The following XRN2 variants were observed in gnomAD, a reference collection of about 807,000 sequenced individuals.
XRN2 encodes the protein DHM1-like protein.
XRN2 carries 44 observed loss-of-function variants against 138.5 expected under a neutral mutation model. That is an observed-to-expected ratio of 0.32 (90% CI 0.25 to 0.41). XRN2 has a LOEUF of 0.41. XRN2 is among the 10% of genes least tolerant of loss of function. The pLI, the probability that XRN2 is intolerant of heterozygous loss-of-function variation, is 1.00. For synonymous variants in XRN2, 354 were observed against 369.4 expected, an observed-to-expected ratio of 0.96 and a Z score of 0.48; for missense variants, 937 against 1,169.3, an observed-to-expected ratio of 0.80 and a Z score of 2.90.
In XRN2 at chr20:21,356,582, A is replaced by T; in HGVS notation, c.2119-4A>T. 1 of 1,611,054 alleles carries T rather than the reference A, an allele frequency of 6.2e-7. No individual in the cohort carries two copies. On this transcript the variant is annotated splice_polypyrimidine_tract_variant and splice_region_variant and intron_variant, in intron 22 of 29. Coordinates refer to ENST00000377191, the MANE Select transcript of XRN2 (RefSeq NM_012255.5). ...TATGAGATCAGGAATGCATTTTTCC[A>T]CAGCCAGTGGAGGTACCCCCTGAAC...
chr20:21,383,619 G>A lies in XRN2; in HGVS notation c.2648+1562G>A, dbSNP rs181822221. ...CTCTGAGCGTAATATAAAGACGTAGGGACTTCAAAGGAAGTAAAGGATCTG... is the reference window on the plus strand; with the variant it reads ...CTCTGAGCGTAATATAAAGACGTAGAGACTTCAAAGGAAGTAAAGGATCTG... On this transcript the variant is annotated intron_variant, in intron 28 of 29. Transcript: ENST00000377191. 2.0e-5 allele frequency among the ~76,000 whole-genome samples: 3 copies of A among 152,222 alleles called. No individual in the cohort carries two copies. The East Asian group carries it at 5.8e-4, about 29-fold the overall frequency.
Position 21,346,240 on chromosome 20 carries a change from C to T in XRN2, c.1530-175C>T, listed in dbSNP as rs80262853. Among the ~76,000 whole-genome samples the T allele has an allele frequency of 6.3e-3, 964 of 152,228 alleles. 72 individuals carry two copies. The East Asian group carries it at 0.16, about 25-fold the overall frequency. ...AACTGTCTTTAAGTTGATAATAAAT[C>T]CTATGAAATTAGACTTTTTAGAAAT... On this transcript the variant is annotated intron_variant, in intron 16 of 29. Transcript: ENST00000377191.
chr20:21,359,313 T>TCATCTGCACC (rs923971809), intron 24 of XRN2, among the ~76,000 whole-genome samples: 2 of 152,012 alleles, frequency 1.3e-5, no homozygotes, highest in African/African-American at 4.8e-5. Flanking sequence ...GGTGGGTGGA[T>TCATCTGCACC]CATCTGAGAT....
intron 14 of XRN2, 119 bp downstream of exon 14, chr20:21,339,207 TC>T: frequency 1.0e-6 from 1 of 962,178 alleles, no homozygotes; most frequent in Non-Finnish European, 1.6e-6. Flanking sequence ...GACGTAAGTG[TC>T]CACCCAGTTA....
chr20:21,318,561 A>C (rs2037993339), intron 1 of XRN2, among the ~76,000 whole-genome samples: 1 of 151,988 alleles, frequency 6.6e-6, no homozygotes, highest in Admixed American at 6.6e-5. Flanking sequence ...ACTTCTGAAG[A>C]GATATTTCTT....
chr20:21,340,545 A>G (rs1023551096), intron 14 of XRN2, among the ~76,000 whole-genome samples, 176 bp from the exon 15 acceptor site: 4 of 152,236 alleles, frequency 2.6e-5, no homozygotes, highest in African/African-American at 9.6e-5. Flanking sequence ...GGTATAAGTT[A>G]CCATCAAATC....
chr20:21,328,772 A>G (rs557556096), intron 4 of XRN2, 102 bp downstream of exon 4: 3 of 1,008,710 alleles, frequency 3.0e-6, no homozygotes, highest in African/African-American at 1.6e-5. Flanking sequence ...TTTTAATTTA[A>G]TAAGGATCCC....
At chr20:21,305,147 C>T (rs527950725) in intron 1 of XRN2, among the ~76,000 whole-genome samples, 22 of 152,182 alleles carry the variant, frequency 1.4e-4, no homozygotes, top group Non-Finnish European at 2.6e-4. Flanking sequence ...GCTGTCACAC[C>T]TGGCTATTCT....
At chr20:21,357,651 C>A in intron 23 of XRN2, 85 bp from the exon 24 acceptor site, 1 of 1,109,046 alleles carries the variant, frequency 9.0e-7, no homozygotes, top group Non-Finnish European at 1.3e-6. Flanking sequence ...TTTCTAAAGA[C>A]TAACAAACAT....
At chr20:21,353,322 A>G (rs998473595) in intron 20 of XRN2, among the ~76,000 whole-genome samples, 1 of 148,412 alleles carries the variant, frequency 6.7e-6, no homozygotes, top group African/African-American at 2.5e-5. Flanking sequence ...TCCCCTTGAT[A>G]TAGTTCTCTT....
chr20:21,378,021 A>G (rs1206425544), intron 27 of XRN2, among the ~76,000 whole-genome samples: 1 of 152,144 alleles, frequency 6.6e-6, no homozygotes, highest in Non-Finnish European at 1.5e-5. Flanking sequence ...AACCGCTGAT[A>G]CTGATTTTTA....
chr20:21,365,524 C>A, intron 25 of XRN2, 35 bp downstream of exon 25: 3 of 1,613,360 alleles, frequency 1.9e-6, no homozygotes, highest in Non-Finnish European at 2.5e-6. Context: ...TTATTTTGTA[C>A]AAATGGTTTT....
intron 17 of XRN2, 48 bp from the exon 18 acceptor site, chr20:21,348,098 C>A: frequency 6.5e-7 from 1 of 1,527,768 alleles, no homozygotes; most frequent in South Asian, 1.2e-5. Context: ...TTGTGTTCAT[C>A]ATTAACATAG....
intron 11 of XRN2, 25 bp from the exon 12 acceptor site, chr20:21,333,912 C>G (rs2038251291): frequency 6.2e-7 from 1 of 1,613,988 alleles, no homozygotes; most frequent in Non-Finnish European, 8.5e-7. Flanking sequence ...GGTCCTAATG[C>G]ATAATGTTTG....
chr20:21,314,873 T>A (rs555284776), intron 1 of XRN2, among the ~76,000 whole-genome samples: 107 of 152,286 alleles, frequency 7.0e-4, no homozygotes, highest in African/African-American at 2.5e-3. Context: ...ATGAAGAGGG[T>A]TTATTATTTA....
At chr20:21,373,675 T>C (rs1264140914) in intron 27 of XRN2, among the ~76,000 whole-genome samples, 14 of 152,262 alleles carry the variant, frequency 9.2e-5, no homozygotes, top group African/African-American at 3.4e-4. Context: ...GCTATTTGAC[T>C]AAGCAGGGAG....
intron 26 of XRN2, among the ~76,000 whole-genome samples, 184 bp from the exon 27 acceptor site, chr20:21,368,279 T>G (rs1326231943): frequency 6.6e-6 from 1 of 152,254 alleles, no homozygotes; most frequent in Non-Finnish European, 1.5e-5. Flanking sequence ...GATGAACATT[T>G]GCTATCACTA....
intron 1 of XRN2, among the ~76,000 whole-genome samples, chr20:21,311,236 C>T (rs992736120): frequency 3.9e-5 from 6 of 152,332 alleles, no homozygotes; most frequent in African/African-American, 1.4e-4. Context: ...CAAACAGAAA[C>T]GCTACCTGTT....
At chr20:21,336,385 C>T (rs140695249) in intron 13 of XRN2, among the ~76,000 whole-genome samples, 256 of 152,218 alleles carry the variant, frequency 1.7e-3, no homozygotes, top group African/African-American at 6.0e-3. Flanking sequence ...TTGCTTGAAC[C>T]CAAGAGGTGG....
Sources: gnomAD v4.1 joint callset for allele counts (sites outside exome capture counted in the v4.1 genomes callset) on GRCh38, gnomAD v4.1.1 for gene constraint, MANE v1.5 for transcripts, NCBI Gene and HGNC (gene_info 2026-07-23, HGNC 2026-07-21) for gene names.